FSTL4: variants seen among roughly 807,000 people sequenced by gnomAD.
The protein encoded by FSTL4 is follistatin-related protein 4.
Under a neutral mutation model 78.2 loss-of-function variants are expected in FSTL4, and 28 were observed. The ratio of observed to expected loss-of-function variants is 0.36; its 90% CI spans 0.27 to 0.49. The LOEUF (loss-of-function observed/expected upper bound fraction) is 0.49. Ranked by LOEUF, FSTL4 falls within the 20% of genes least tolerant of loss-of-function variation. The pLI, the probability that FSTL4 is intolerant of heterozygous loss-of-function variation, is 0.98. For synonymous variants in FSTL4, 422 were observed against 440.5 expected (o/e 0.96, Z 0.53); for missense variants, 922 against 1,084.9 (o/e 0.85, Z 2.11).
intron 3 of FSTL4, among the ~76,000 whole-genome samples, chr5:133,448,624 A>G (rs971123855): frequency 6.6e-6 from 1 of 150,906 alleles, no homozygotes. Context: ...TCACCATGAC[A>G]CCATTGGGAA....
At chr5:133,415,084 T>C (rs1756550811) in intron 3 of FSTL4, among the ~76,000 whole-genome samples, 1 of 152,254 alleles carries the variant, frequency 6.6e-6, no homozygotes, top group Non-Finnish European at 1.5e-5. Context: ...ACAAGGTCAG[T>C]GACTAGTTCC....
At chr5:133,336,700 G>A (rs1400386137) in intron 4 of FSTL4, among the ~76,000 whole-genome samples, 1 of 152,136 alleles carries the variant, frequency 6.6e-6, no homozygotes, top group Non-Finnish European at 1.5e-5. Context: ...CCTACAGCCA[G>A]TTCTGTCCCA....
chr5:133,816,823 G>A, the FSTL4 span, among the ~76,000 whole-genome samples: 1 of 152,216 alleles, frequency 6.6e-6, no homozygotes, highest in Non-Finnish European at 1.5e-5. Context: ...CCTGAGCTCT[G>A]GAGACTTGGG....
At chr5:133,386,824 C>T (rs1580668956) in intron 4 of FSTL4, among the ~76,000 whole-genome samples, 1 of 152,106 alleles carries the variant, frequency 6.6e-6, no homozygotes, top group East Asian at 1.9e-4. Flanking sequence ...GTGGCATTGG[C>T]GGGGACTTTC....
intron 13 of FSTL4, among the ~76,000 whole-genome samples, chr5:133,212,970 G>A (rs754607170): frequency 9.2e-5 from 14 of 151,580 alleles, no homozygotes; most frequent in Admixed American, 6.6e-5. Flanking sequence ...GAAAAGAATC[G>A]CTAACATAGA....
the FSTL4 span, among the ~76,000 whole-genome samples, chr5:133,695,188 A>G: frequency 6.6e-6 from 1 of 152,112 alleles, no homozygotes; most frequent in African/African-American, 2.4e-5. Context: ...CGTCATCATC[A>G]ATGCCATCAT....
chr5:133,515,649 C>A (rs975875393), intron 3 of FSTL4, among the ~76,000 whole-genome samples: 8 of 150,946 alleles, frequency 5.3e-5, no homozygotes, highest in South Asian at 2.1e-4. Context: ...ATAAATAATT[C>A]TCAGATTGGC....
At chr5:133,251,658 CTGA>C (rs1752245925) in intron 6 of FSTL4, among the ~76,000 whole-genome samples, 1 of 152,148 alleles carries the variant, frequency 6.6e-6, no homozygotes, top group Admixed American at 6.5e-5. Flanking sequence ...CATTTCCAGG[CTGA>C]TGTCATTGAG....
chr5:133,700,155 A>G, the FSTL4 span, among the ~76,000 whole-genome samples: 2 of 151,638 alleles, frequency 1.3e-5, no homozygotes, highest in Admixed American at 6.6e-5. Context: ...ACACTGAACC[A>G]CCACACTGAA....
chr5:133,486,028 G>A (rs1318407352), intron 3 of FSTL4, among the ~76,000 whole-genome samples: 1 of 152,232 alleles, frequency 6.6e-6, no homozygotes, highest in East Asian at 1.9e-4. Flanking sequence ...AGCTCCTGGG[G>A]GAATGGCACT....
At chr5:133,474,576 A>G (rs1580732328) in intron 3 of FSTL4, among the ~76,000 whole-genome samples, 1 of 152,174 alleles carries the variant, frequency 6.6e-6, no homozygotes, top group African/African-American at 2.4e-5. Context: ...GGCTTTCGTG[A>G]CTTACAGGCA....
At chr5:133,546,680 T>A (rs1442969620) in intron 3 of FSTL4, among the ~76,000 whole-genome samples, 1 of 152,082 alleles carries the variant, frequency 6.6e-6, no homozygotes, top group African/African-American at 2.4e-5. Flanking sequence ...GCTCCTTGCA[T>A]CATACACCCA....
At chr5:133,761,648 G>T in the FSTL4 span, among the ~76,000 whole-genome samples, 1 of 152,154 alleles carries the variant, frequency 6.6e-6, no homozygotes, top group Non-Finnish European at 1.5e-5. Context: ...GCCCCTCAAC[G>T]TCAAGGGAGG....
the FSTL4 span, among the ~76,000 whole-genome samples, chr5:133,818,290 G>T: frequency 1.3e-5 from 2 of 152,314 alleles, no homozygotes; most frequent in South Asian, 4.1e-4. Context: ...ACACAGCATG[G>T]CCATGCAGGG....
At chr5:133,635,809 T>C in the FSTL4 span, among the ~76,000 whole-genome samples, 4 of 152,188 alleles carry the variant, frequency 2.6e-5, no homozygotes, top group African/African-American at 9.7e-5. Context: ...GCTCCTACTT[T>C]CTGTGTTTGC....
intron 6 of FSTL4, among the ~76,000 whole-genome samples, chr5:133,306,491 C>T (rs1223264117): frequency 1.3e-5 from 2 of 152,206 alleles, no homozygotes; most frequent in Non-Finnish European, 2.9e-5. Flanking sequence ...ATGTGAGAAG[C>T]AGGGGCTTCC....
the FSTL4 span, among the ~76,000 whole-genome samples, chr5:133,693,477 G>C: frequency 6.6e-6 from 1 of 152,124 alleles, no homozygotes; most frequent in Non-Finnish European, 1.5e-5. Context: ...GGGAAGGAGC[G>C]ATTCTGATTT....
chr5:133,775,292 T>C, the FSTL4 span, among the ~76,000 whole-genome samples: 1 of 152,204 alleles, frequency 6.6e-6, no homozygotes, highest in Admixed American at 6.5e-5. Flanking sequence ...CCCATGGTTT[T>C]AAAGTAAGAA....
intron 3 of FSTL4, among the ~76,000 whole-genome samples, chr5:133,431,982 G>A (rs1756949717): frequency 6.6e-6 from 1 of 151,994 alleles, no homozygotes; most frequent in Non-Finnish European, 1.5e-5. Context: ...AGTACCCAAG[G>A]GTAGACACAA....
Sources: gnomAD v4.1 joint callset for allele counts (sites outside exome capture counted in the v4.1 genomes callset) on GRCh38, gnomAD v4.1.1 for gene constraint, MANE v1.5 for transcripts, NCBI Gene and HGNC (gene_info 2026-07-23, HGNC 2026-07-21) for gene names.